RORA: variants seen among roughly 807,000 people sequenced by gnomAD.
The protein encoded by RORA is RAR related orphan receptor A.
Under a neutral mutation model 69.5 loss-of-function variants are expected in RORA, and 7 were observed. The observed-to-expected ratio is 0.10, with a 90% CI of 0.06 to 0.19. The LOEUF is 0.19. RORA is among the 10% of genes least tolerant of loss of function. The pLI is 1.00. For synonymous variants in RORA, 261 were observed against 240.8 expected, an observed-to-expected ratio of 1.08 and a Z score of -0.78; for missense variants, 457 against 663.0, an observed-to-expected ratio of 0.69 and a Z score of 3.41.
At chr15:60,515,136 A>G (rs553475480) in intron 3 of RORA, among the ~76,000 whole-genome samples, 1 of 152,340 alleles carries the variant, frequency 6.6e-6, no homozygotes, top group Admixed American at 6.5e-5. Context: ...AAATAAATAC[A>G]AAACACTTCC....
intron 1 of RORA, among the ~76,000 whole-genome samples, chr15:61,201,664 C>G (rs1273367890): frequency 6.6e-6 from 1 of 152,130 alleles, no homozygotes; most frequent in Non-Finnish European, 1.5e-5. Context: ...GAAGTTTTCA[C>G]ACCACTTGGT....
At chr15:60,770,173 C>A (rs1313123703) in intron 1 of RORA, among the ~76,000 whole-genome samples, 1 of 152,126 alleles carries the variant, frequency 6.6e-6, no homozygotes, top group East Asian at 1.9e-4. Context: ...GAATGCTGCC[C>A]ATTTAAATTC....
At chr15:60,721,289 T>G (rs1054723615) in intron 1 of RORA, among the ~76,000 whole-genome samples, 7 of 152,138 alleles carry the variant, frequency 4.6e-5, no homozygotes, top group African/African-American at 1.4e-4. Flanking sequence ...ATCAGAGTGA[T>G]CAGAAAACAG....
At chr15:60,976,040 G>A (rs1893863823) in intron 1 of RORA, among the ~76,000 whole-genome samples, 1 of 152,244 alleles carries the variant, frequency 6.6e-6, no homozygotes, top group South Asian at 2.1e-4. Flanking sequence ...GAGGACTCAT[G>A]TAACTTCTCT....
intron 2 of RORA, among the ~76,000 whole-genome samples, chr15:60,560,408 G>A (rs2067497423): frequency 6.6e-6 from 1 of 151,996 alleles, no homozygotes; most frequent in Non-Finnish European, 1.5e-5. Context: ...CTGAATAACT[G>A]TACTCAGCCA....
intron 1 of RORA, among the ~76,000 whole-genome samples, chr15:61,164,600 G>A (rs1192427020): frequency 6.6e-6 from 1 of 152,106 alleles, no homozygotes; most frequent in Non-Finnish European, 1.5e-5. Context: ...AGCTCTGGAT[G>A]AACTTGCTCC....
At chr15:60,956,846 TGA>T (rs1250533064) in intron 1 of RORA, among the ~76,000 whole-genome samples, 3 of 152,218 alleles carry the variant, frequency 2.0e-5, no homozygotes, top group Non-Finnish European at 2.9e-5. Flanking sequence ...GAGGAAGCTG[TGA>T]GTTAGGGACA....
Position 61,054,983 on chromosome 15 carries a change from C to T in RORA, c.166+174070G>A, listed in dbSNP as rs186501069. On this transcript the variant is annotated intron_variant, in intron 1 of 10. Coordinates refer to ENST00000335670, the MANE Select transcript of RORA (RefSeq NM_134261.3). ...TCCTGAATAGCTGGGACTACAGGTG[C>T]ACACCACCACGTCTGGCTAATTTTT... 3.4e-3 allele frequency among the ~76,000 whole-genome samples: 523 copies of T among 152,128 alleles called. 1 individual carries two copies. The highest frequency in any genetic ancestry group is 0.012 in the African/African-American group (492 of 41,504).
At chr15:61,039,747 A>AAAC (rs1410501982) in intron 1 of RORA, among the ~76,000 whole-genome samples, 5 of 147,176 alleles carry the variant, frequency 3.4e-5, no homozygotes, top group African/African-American at 1.3e-4. Context: ...TCTGTCTCAA[A>AAAC]AAAAAAAAAA....
At chr15:60,690,718 C>T (rs528173176) in intron 1 of RORA, among the ~76,000 whole-genome samples, 1 of 152,328 alleles carries the variant, frequency 6.6e-6, no homozygotes, top group African/African-American at 2.4e-5. Flanking sequence ...AACTGGGACT[C>T]AGAGGGATTA....
At chr15:61,118,892 C>T (rs1043355901) in intron 1 of RORA, among the ~76,000 whole-genome samples, 1 of 152,088 alleles carries the variant, frequency 6.6e-6, no homozygotes, top group Non-Finnish European at 1.5e-5. Flanking sequence ...GGCTGAGTTC[C>T]TCTTGTCATG....
At chr15:60,766,406 T>C (rs2071992766) in intron 1 of RORA, among the ~76,000 whole-genome samples, 1 of 152,292 alleles carries the variant, frequency 6.6e-6, no homozygotes, top group African/African-American at 2.4e-5. Context: ...ACAAACTGGA[T>C]ATTCAAGCAG....
At chr15:60,953,854 C>T (rs1440957020) in intron 1 of RORA, among the ~76,000 whole-genome samples, 2 of 148,500 alleles carry the variant, frequency 1.3e-5, no homozygotes, top group African/African-American at 4.9e-5. Context: ...GGACTGTAAA[C>T]TAGTTCAACC....
chr15:60,633,992 T>C (rs896708817), intron 2 of RORA, among the ~76,000 whole-genome samples: 19 of 152,182 alleles, frequency 1.2e-4, no homozygotes, highest in Non-Finnish European at 2.5e-4. Flanking sequence ...GGCTGTGAAG[T>C]TACAAACTGA....
chr15:60,883,688 T>G (rs994359602), intron 1 of RORA, among the ~76,000 whole-genome samples: 4 of 152,252 alleles, frequency 2.6e-5, no homozygotes, highest in African/African-American at 9.6e-5. Flanking sequence ...GTTAATATGT[T>G]TCTAAGATTC....
At chr15:60,670,180 T>C (rs932496018) in intron 2 of RORA, among the ~76,000 whole-genome samples, 5 of 150,808 alleles carry the variant, frequency 3.3e-5, no homozygotes, top group Non-Finnish European at 5.9e-5. Flanking sequence ...AATCCAAACC[T>C]TAATCTAGTA....
At chr15:61,107,611 C>T (rs1595994290) in intron 1 of RORA, among the ~76,000 whole-genome samples, 1 of 150,816 alleles carries the variant, frequency 6.6e-6, no homozygotes, top group Non-Finnish European at 1.5e-5. Context: ...TCTGGAAGCA[C>T]CTAAGATCTA....
At chr15:60,954,152 T>G (rs1893192879) in intron 1 of RORA, among the ~76,000 whole-genome samples, 1 of 144,220 alleles carries the variant, frequency 6.9e-6, no homozygotes, top group Non-Finnish European at 1.5e-5. Flanking sequence ...GGGACATGGA[T>G]GAAATTGGAA....
intron 1 of RORA, among the ~76,000 whole-genome samples, chr15:61,003,655 G>A (rs1894816436): frequency 6.6e-6 from 1 of 152,158 alleles, no homozygotes; most frequent in Non-Finnish European, 1.5e-5. Context: ...AACCAAGCAA[G>A]TTTTAAAGTC....
Sources: gnomAD v4.1 joint callset for allele counts (sites outside exome capture counted in the v4.1 genomes callset) on GRCh38, gnomAD v4.1.1 for gene constraint, MANE v1.5 for transcripts, NCBI Gene and HGNC (gene_info 2026-07-23, HGNC 2026-07-21) for gene names.